The following GSE1 variants were observed in gnomAD, a reference collection of about 807,000 sequenced individuals.
The protein encoded by GSE1 is genetic suppressor element 1.
In GSE1, 32 loss-of-function variants were observed where a neutral mutation model predicts 112.6. That is an observed-to-expected ratio of 0.28 (90% CI 0.21 to 0.38). GSE1 has a LOEUF of 0.38. Ranked by LOEUF, GSE1 falls within the 10% of genes least tolerant of loss-of-function variation. The pLI, the probability that GSE1 is intolerant of heterozygous loss-of-function variation, is 1.00. For synonymous variants in GSE1, 1,115 were observed against 735.6 expected (o/e 1.52, Z -8.35); for missense variants, 2,348 against 1,699.2 (o/e 1.38, Z -6.71).
At chr16:85,629,959 A>G (rs941901967) in intron 1 of GSE1, among the ~76,000 whole-genome samples, 2 of 152,134 alleles carry the variant, frequency 1.3e-5, no homozygotes, top group Non-Finnish European at 2.9e-5. Context: ...GGATTGGAGG[A>G]TGGCTTAGCT....
chr16:85,456,498 G>A (rs961361162), intron 2 of GSE1, among the ~76,000 whole-genome samples: 9 of 152,054 alleles, frequency 5.9e-5, no homozygotes, highest in African/African-American at 1.5e-4. Flanking sequence ...CACGAAGTCC[G>A]GGGTGGTGTG....
At chr16:85,329,412 A>ACAGCCC (rs2046293419) in intron 1 of GSE1, among the ~76,000 whole-genome samples, 1 of 152,020 alleles carries the variant, frequency 6.6e-6, no homozygotes, top group Non-Finnish European at 1.5e-5. Flanking sequence ...TAAGCCTGGA[A>ACAGCCC]CAGCCCCAGC....
At chr16:85,473,634 G>T (rs1375686284) in intron 2 of GSE1, among the ~76,000 whole-genome samples, 2 of 152,160 alleles carry the variant, frequency 1.3e-5, no homozygotes, top group African/African-American at 4.8e-5. Flanking sequence ...GACACACATC[G>T]TGGGATTTAG....
At position 85,409,596 on chromosome 16, in the gene GSE1, G is replaced by A. The variant is rs183328473; in HGVS notation, c.2464+51953G>A. On this transcript the variant is annotated intron_variant, in intron 2 of 2. Coordinates refer to the GSE1 transcript ENST00000637419. ...GCCCCCCTGGATAATCCTCACTGTT[G>A]CACTCAGGGCCCCCCTGGATAATCC... Among the ~76,000 whole-genome samples, 27 of 3,314 alleles carry A rather than the reference G, an allele frequency of 8.1e-3. 2 individuals are homozygous for A. Among genetic ancestry groups the A allele is most frequent in the East Asian group, 0.5 (2 of 4 alleles). The allele number at this position is 3,314 out of a possible 152,430, so 2.2% of individuals were successfully genotyped here.
chr16:85,262,629 G>T (rs1907822141), intron 1 of GSE1, among the ~76,000 whole-genome samples: 1 of 152,222 alleles, frequency 6.6e-6, no homozygotes. Flanking sequence ...GATCCCTAGA[G>T]CCTGAATTTG....
chr16:85,625,148 C>T (rs2048984073), intron 1 of GSE1, among the ~76,000 whole-genome samples: 1 of 152,156 alleles, frequency 6.6e-6, no homozygotes, highest in African/African-American at 2.4e-5. Context: ...GCCTCCCTGC[C>T]GAGGCCAGGC....
At chr16:85,232,956 A>G (rs967401556) in intron 1 of GSE1, among the ~76,000 whole-genome samples, 3 of 152,266 alleles carry the variant, frequency 2.0e-5, no homozygotes, top group African/African-American at 7.2e-5. Context: ...CAAGGTCCAC[A>G]TGGCGGGGGC....
intron 2 of GSE1, among the ~76,000 whole-genome samples, chr16:85,532,147 C>G (rs1036066653): frequency 1.3e-5 from 2 of 152,160 alleles, no homozygotes; most frequent in Non-Finnish European, 2.9e-5. Flanking sequence ...GCTTTTTCAT[C>G]CTCACAACTT....
At chr16:85,303,454 G>A (rs561045753) in intron 1 of GSE1, among the ~76,000 whole-genome samples, 4 of 152,188 alleles carry the variant, frequency 2.6e-5, no homozygotes, top group Non-Finnish European at 5.9e-5. Flanking sequence ...AGCCCTCCTA[G>A]CCACCAGAGG....
chr16:85,431,346 A>C (rs2049116617), intron 2 of GSE1, among the ~76,000 whole-genome samples: 1 of 152,196 alleles, frequency 6.6e-6, no homozygotes, highest in Admixed American at 6.5e-5. Flanking sequence ...CGTATGGCAA[A>C]ATCTTTGTGT....
chr16:85,182,602 A>G (rs542540700), intron 1 of GSE1, among the ~76,000 whole-genome samples: 1 of 152,324 alleles, frequency 6.6e-6, no homozygotes, highest in African/African-American at 2.4e-5. Flanking sequence ...CTGCAAGAGC[A>G]CTTCCCATTA....
chr16:85,587,438 C>T (rs549798700), intron 1 of GSE1, among the ~76,000 whole-genome samples: 12 of 152,314 alleles, frequency 7.9e-5, no homozygotes, highest in Admixed American at 3.9e-4. Context: ...GAACTGATCA[C>T]GGCAGTGTGC....
At chr16:85,294,462 G>C (rs996187885) in intron 1 of GSE1, among the ~76,000 whole-genome samples, 3 of 152,192 alleles carry the variant, frequency 2.0e-5, no homozygotes, top group African/African-American at 7.2e-5. Context: ...AATGGAGGGA[G>C]GTTGGTTCCA....
At chr16:85,366,233 C>A (rs56824466) in intron 2 of GSE1, among the ~76,000 whole-genome samples, 7,129 of 151,862 alleles carry the variant, frequency 0.047, 207 homozygotes, top group African/African-American at 0.076. Context: ...CAGAGCTCTG[C>A]CCCCACTGCC....
chr16:85,455,134 C>T (rs894644302), intron 2 of GSE1, among the ~76,000 whole-genome samples: 8 of 152,248 alleles, frequency 5.3e-5, no homozygotes, highest in African/African-American at 1.7e-4. Flanking sequence ...CTGCAATAAA[C>T]ACCTGCAGAT....
At position 85,250,816 on chromosome 16, in the gene GSE1, G is replaced by A. The variant is rs147214380; in HGVS notation, c.2283+79009G>A. 1.3e-4 allele frequency among the ~76,000 whole-genome samples: 20 copies of A among 150,290 alleles called. No homozygotes were observed. The East Asian group carries it at 1.4e-3, about 10-fold the overall frequency. ...CAAAAGAAGCCCTGCATCCTCAGCC[G>A]TCACTCCCCACCCCCAGCCCCCCTC... On this transcript the variant is annotated intron_variant, in intron 1 of 2. Transcript: ENST00000637419.
intron 1 of GSE1, among the ~76,000 whole-genome samples, chr16:85,585,056 A>C (rs1202650694): frequency 1.3e-5 from 2 of 152,148 alleles, no homozygotes; most frequent in African/African-American, 4.8e-5. Flanking sequence ...GCTTTCACTG[A>C]CGGGAAAGAA....
chr16:85,225,295 G>T (rs759563536), intron 1 of GSE1, among the ~76,000 whole-genome samples: 1 of 152,208 alleles, frequency 6.6e-6, no homozygotes, highest in Non-Finnish European at 1.5e-5. Context: ...GGCCCTCTCT[G>T]CAGAGCCCAG....
intron 2 of GSE1, among the ~76,000 whole-genome samples, chr16:85,427,006 A>C (rs978235344): frequency 6.6e-6 from 1 of 152,168 alleles, no homozygotes; most frequent in South Asian, 2.1e-4. Context: ...TTGCCTGCCT[A>C]GGAAATGGAG....
Sources: gnomAD v4.1 joint callset for allele counts (sites outside exome capture counted in the v4.1 genomes callset) on GRCh38, gnomAD v4.1.1 for gene constraint, MANE v1.5 for transcripts, NCBI Gene and HGNC (gene_info 2026-07-23, HGNC 2026-07-21) for gene names.